Variants in HDGFL3 observed in about 807,000 individuals in gnomAD.
The protein encoded by HDGFL3 is HDGF like 3.
HDGFL3 carries 6 observed loss-of-function variants against 27.6 expected under a neutral mutation model. The observed-to-expected ratio is 0.22, with a 90% CI of 0.12 to 0.43. The LOEUF (loss-of-function observed/expected upper bound fraction) is 0.43. HDGFL3 is among the 20% of genes least tolerant of loss of function. The probability of loss-of-function intolerance (pLI) is 1.00; values close to 1 mark genes in which losing one functional copy is unlikely to be tolerated. For missense variants in HDGFL3, 207 were observed against 250.1 expected (o/e 0.83, Z 1.16); for synonymous variants, 88 against 88.9 (o/e 0.99, Z 0.05).
At chr15:83,200,922 A>C (rs1242026125) in intron 1 of HDGFL3, among the ~76,000 whole-genome samples, 1 of 148,944 alleles carries the variant, frequency 6.7e-6, no homozygotes, top group Non-Finnish European at 1.5e-5. Context: ...TATTTACCAG[A>C]CTAAATGTGG....
chr15:83,199,331 A>G (rs1373818424), intron 1 of HDGFL3, among the ~76,000 whole-genome samples: 3 of 152,212 alleles, frequency 2.0e-5, no homozygotes, highest in Admixed American at 6.5e-5. Flanking sequence ...TTCAGTGTCA[A>G]AGGAAAAGGA....
chr15:83,120,587 C>CTTTT (rs993490763), intron 3 of HDGFL3, among the ~76,000 whole-genome samples: 7 of 125,954 alleles, frequency 5.6e-5, no homozygotes, highest in Non-Finnish European at 8.5e-5. Flanking sequence ...CCAGCTAATT[C>CTTTT]TTTTTTTTTT....
At chr15:83,127,234 G>A (rs1250474836), downstream of HDGFL3, 5 of 803,866 alleles carry the variant, frequency 6.2e-6, no homozygotes, top group East Asian at 6.8e-5. Flanking sequence ...AAAAAAAAAA[G>A]AGTCCCATAT....
At chr15:83,143,039 G>A (rs1018499074) in intron 5 of HDGFL3, among the ~76,000 whole-genome samples, 12 of 151,144 alleles carry the variant, frequency 7.9e-5, no homozygotes, top group East Asian at 5.9e-4. Context: ...TTTTTGAGAC[G>A]GAGTCTTGCT....
At chr15:83,180,573 C>T (rs189585034) in intron 1 of HDGFL3, among the ~76,000 whole-genome samples, 12 of 150,464 alleles carry the variant, frequency 8.0e-5, no homozygotes, top group Admixed American at 4.6e-4. Context: ...AAAGGAAATG[C>T]ATACAGGAGA....
chr15:83,119,628 T>C, intron 3 of HDGFL3: 3 of 1,614,256 alleles, frequency 1.9e-6, no homozygotes, highest in South Asian at 1.1e-5. Context: ...GCTACTGGGA[T>C]GGCTCTGCTC....
intron 1 of HDGFL3, among the ~76,000 whole-genome samples, chr15:83,199,885 A>AGG (rs2037618557): frequency 6.6e-6 from 1 of 151,418 alleles, no homozygotes; most frequent in African/African-American, 2.4e-5. Context: ...TACTAAAAAT[A>AGG]CAAAAAAAAA....
At chr15:83,140,940 C>T (rs895260629) in intron 5 of HDGFL3, among the ~76,000 whole-genome samples, 14 of 152,080 alleles carry the variant, frequency 9.2e-5, no homozygotes, top group Non-Finnish European at 1.9e-4. Context: ...AGTATTAATA[C>T]CCCAAACAAA....
intron 2 of HDGFL3, among the ~76,000 whole-genome samples, chr15:83,162,569 TAAG>T (rs1207445429): frequency 6.6e-6 from 1 of 152,150 alleles, no homozygotes; most frequent in African/African-American, 2.4e-5. Flanking sequence ...CAACCTCTCT[TAAG>T]GAGGAAAACA....
chr15:83,182,451 C>A (rs2037392851), intron 1 of HDGFL3, among the ~76,000 whole-genome samples: 1 of 152,156 alleles, frequency 6.6e-6, no homozygotes, highest in African/African-American at 2.4e-5. Context: ...AGTGGCCAAA[C>A]CAACTATGGC....
At chr15:83,176,442 C>CAGATACTCTGCTT (rs2037312255) in intron 1 of HDGFL3, among the ~76,000 whole-genome samples, 1 of 152,170 alleles carries the variant, frequency 6.6e-6, no homozygotes, top group Admixed American at 6.5e-5. Flanking sequence ...GCTTTGCTCA[C>CAGATACTCTGCTT]TGCAGAGATA....
exon 4 of HDGFL3, chr15:83,115,234 C>T (rs1333629081): frequency 5.6e-6 from 1 of 177,594 alleles, no homozygotes; most frequent in African/African-American, 2.4e-5. Flanking sequence ...TCACTTGTCT[C>T]AGCCTCTGGA....
intron 1 of HDGFL3, among the ~76,000 whole-genome samples, chr15:83,197,350 G>A (rs765742472): frequency 3.3e-5 from 5 of 152,170 alleles, no homozygotes; most frequent in Non-Finnish European, 7.3e-5. Context: ...TGAGCCAGAT[G>A]TAAGACATAA....
intron 4 of HDGFL3, 140 bp from the exon 5 acceptor site, chr15:83,151,501 C>G: frequency 1.6e-6 from 1 of 632,274 alleles, no homozygotes; most frequent in East Asian, 3.0e-5. Flanking sequence ...TGTAGTATGC[C>G]AAGGCTGAGC....
intron 5 of HDGFL3, among the ~76,000 whole-genome samples, chr15:83,145,973 C>T (rs1381273411): frequency 1.6e-5 from 2 of 121,396 alleles, no homozygotes; most frequent in Non-Finnish European, 3.2e-5. Flanking sequence ...TGCAGTGGCT[C>T]GATCTTGGCT....
At position 83,136,451 on chromosome 15, in the gene HDGFL3, T is replaced by C; in HGVS notation, c.*2819A>G. ...CATCCAACTGAACACGTTTCATGCTTACTCAATTTTTTTTTTTTAAATGCA... is the reference window on the plus strand; with the variant it reads ...CATCCAACTGAACACGTTTCATGCTCACTCAATTTTTTTTTTTTAAATGCA... On this transcript the variant is annotated 3_prime_UTR_variant, in exon 6 of 6. Transcript: ENST00000299633. The C allele has an allele frequency of 1.9e-6, 3 of 1,546,276 alleles. No homozygotes were observed. The highest frequency in any genetic ancestry group is 2.6e-6 in the Non-Finnish European group (3 of 1,147,212).
intron 1 of HDGFL3, among the ~76,000 whole-genome samples, chr15:83,174,181 G>T (rs1028171425): frequency 6.6e-6 from 1 of 152,140 alleles, no homozygotes; most frequent in South Asian, 2.1e-4. Flanking sequence ...AAATTCCATG[G>T]TTTGTCTACA....
chr15:83,188,019 G>A (rs1286528028), intron 1 of HDGFL3, among the ~76,000 whole-genome samples: 1 of 151,988 alleles, frequency 6.6e-6, no homozygotes, highest in African/African-American at 2.4e-5. Context: ...CATTTTAGCA[G>A]ATATTACCAG....
chr15:83,141,012 C>T (rs72755995), intron 5 of HDGFL3, among the ~76,000 whole-genome samples: 6,893 of 152,188 alleles, frequency 0.045, 222 homozygotes, highest in Non-Finnish European at 0.07. Flanking sequence ...GGTCTTTAAA[C>T]AAGGTGCTGT....
Sources: allele counts gnomAD v4.1 joint callset (sites outside exome capture counted in the v4.1 genomes callset), GRCh38; gene constraint gnomAD v4.1.1; transcripts MANE v1.5; gene names NCBI Gene and HGNC (gene_info 2026-07-23, HGNC 2026-07-21).